NME7: variants seen among roughly 807,000 people sequenced by gnomAD.
The protein encoded by NME7 is NME/NM23 family member 7.
NME7 carries 41 observed loss-of-function variants against 49.1 expected under a neutral mutation model. That is an observed-to-expected ratio of 0.83 (90% CI 0.65 to 1.08). The LOEUF (loss-of-function observed/expected upper bound fraction) is 1.08, where lower values mean the gene tolerates loss of function less well. NME7 is among the 50% of genes least tolerant of loss of function. The probability of loss-of-function intolerance (pLI) is 0.00; values close to 1 mark genes in which losing one functional copy is unlikely to be tolerated. For synonymous variants in NME7, 139 were observed against 150.6 expected (o/e 0.92, Z 0.56); for missense variants, 423 against 463.4 (o/e 0.91, Z 0.80).
intron 1 of NME7, among the ~76,000 whole-genome samples, chr1:169,329,396 GAA>G (rs34676722): frequency 0.031 from 3,046 of 98,230 alleles, 87 homozygotes; most frequent in African/African-American, 0.11. Context: ...TGTGTTTCCT[GAA>G]AAAAAAAAAA....
chr1:169,333,559 T>C (rs1388744688), intron 1 of NME7, among the ~76,000 whole-genome samples: 1 of 148,192 alleles, frequency 6.7e-6, no homozygotes, highest in African/African-American at 2.4e-5. Context: ...CACCATGATA[T>C]GCTTATTTCA....
At chr1:169,181,275 T>C (rs1328784288) in intron 10 of NME7, among the ~76,000 whole-genome samples, 1 of 151,776 alleles carries the variant, frequency 6.6e-6, no homozygotes, top group Non-Finnish European at 1.5e-5. Context: ...CCATCCTCAA[T>C]TACATGTTTT....
chr1:169,183,903 G>A (rs12075832), intron 10 of NME7, among the ~76,000 whole-genome samples: 56,427 of 151,952 alleles, frequency 0.37, 11,052 homozygotes, highest in East Asian at 0.73. Context: ...CATTTCTTAG[G>A]TAATGTAAAG....
chr1:169,326,141 C>T (rs1219528917), intron 1 of NME7, among the ~76,000 whole-genome samples: 2 of 152,020 alleles, frequency 1.3e-5, no homozygotes, highest in East Asian at 1.9e-4. Flanking sequence ...GAAAAATCCA[C>T]GAAACCTGGT....
intron 10 of NME7, among the ~76,000 whole-genome samples, chr1:169,185,141 G>C (rs1660032413): frequency 6.6e-6 from 1 of 152,106 alleles, no homozygotes; most frequent in Non-Finnish European, 1.5e-5. Flanking sequence ...AAATGCAATT[G>C]AGAGTCAGCA....
At chr1:169,158,769 C>G (rs534983207) in intron 11 of NME7, among the ~76,000 whole-genome samples, 1 of 152,142 alleles carries the variant, frequency 6.6e-6, no homozygotes, top group South Asian at 2.1e-4. Flanking sequence ...AGCTGGCCTA[C>G]AGTGGACCCC....
chr1:169,195,334 C>T lies in NME7; in HGVS notation c.991-25780G>A, dbSNP rs554679176. Among the ~76,000 whole-genome samples the T allele has an allele frequency of 3.9e-5, 6 of 152,272 alleles. No individual in the cohort carries two copies. The South Asian group carries it at 8.3e-4, about 21-fold the overall frequency. ...TCAAGGGATCCTCCCACCTCAGCTTCCTGAGTCGCTGGGACTACAGGCATG... is the reference window on the plus strand; with the variant it reads ...TCAAGGGATCCTCCCACCTCAGCTTTCTGAGTCGCTGGGACTACAGGCATG... On this transcript the variant is annotated intron_variant, in intron 10 of 11. Transcript: ENST00000367811.
At chr1:169,143,304 T>C (rs934366005) in intron 11 of NME7, among the ~76,000 whole-genome samples, 2 of 150,174 alleles carry the variant, frequency 1.3e-5, no homozygotes, top group African/African-American at 4.9e-5. Flanking sequence ...ATTTTATATT[T>C]CTTCTTTCCT....
intron 3 of NME7, among the ~76,000 whole-genome samples, chr1:169,321,061 T>A (rs1327569983): frequency 6.6e-6 from 1 of 152,200 alleles, no homozygotes; most frequent in Non-Finnish European, 1.5e-5. Context: ...TAAATTATAA[T>A]TTTTATGGTT....
At chr1:169,180,391 T>C (rs941591791) in intron 10 of NME7, among the ~76,000 whole-genome samples, 19 of 152,186 alleles carry the variant, frequency 1.2e-4, no homozygotes, top group African/African-American at 3.9e-4. Flanking sequence ...GCAGACAGTT[T>C]TTGCCTTTTA....
intron 10 of NME7, among the ~76,000 whole-genome samples, chr1:169,200,734 C>T (rs928098652): frequency 1.3e-5 from 2 of 152,170 alleles, no homozygotes; most frequent in Non-Finnish European, 2.9e-5. Context: ...CTCACCCATT[C>T]CTTCCCAAGG....
intron 3 of NME7, among the ~76,000 whole-genome samples, chr1:169,314,497 G>A (rs1235722917): frequency 6.6e-6 from 1 of 151,894 alleles, no homozygotes; most frequent in African/African-American, 2.4e-5. Context: ...TCAAAAATAA[G>A]ATAATAAAAC....
chr1:169,331,432 T>A (rs528430037), intron 1 of NME7, among the ~76,000 whole-genome samples: 2 of 152,292 alleles, frequency 1.3e-5, no homozygotes, highest in African/African-American at 4.8e-5. Context: ...GTGCCCATTA[T>A]CACTACTGTT....
chr1:169,315,091 C>A (rs1043072801), intron 3 of NME7, among the ~76,000 whole-genome samples: 37 of 151,988 alleles, frequency 2.4e-4, no homozygotes, highest in Middle Eastern at 3.4e-3. Flanking sequence ...ATGATAATTA[C>A]ATTAGAAAAT....
chr1:169,337,603 C>G (rs1270759708), intron 1 of NME7, among the ~76,000 whole-genome samples: 1 of 152,180 alleles, frequency 6.6e-6, no homozygotes, highest in Non-Finnish European at 1.5e-5. Context: ...CCAAGAGCGA[C>G]TGAGGACTGT....
chr1:169,347,198 T>C (rs1199755936), intron 1 of NME7, among the ~76,000 whole-genome samples: 1 of 152,068 alleles, frequency 6.6e-6, no homozygotes, highest in Admixed American at 6.5e-5. Flanking sequence ...AGACGCCATC[T>C]CTAAAAATGT....
chr1:169,247,435 G>A (rs1462261804), intron 7 of NME7, among the ~76,000 whole-genome samples: 1 of 152,178 alleles, frequency 6.6e-6, no homozygotes, highest in Non-Finnish European at 1.5e-5. Flanking sequence ...AGATTTTCAT[G>A]AATGTTATTA....
At chr1:169,318,553 T>C (rs1651740664) in intron 3 of NME7, among the ~76,000 whole-genome samples, 1 of 152,230 alleles carries the variant, frequency 6.6e-6, no homozygotes, top group African/African-American at 2.4e-5. Flanking sequence ...TGTTAGTGCA[T>C]ACAGAAGTAG....
At chr1:169,302,611 G>A (rs1650992897) in intron 5 of NME7, among the ~76,000 whole-genome samples, 1 of 152,038 alleles carries the variant, frequency 6.6e-6, no homozygotes, top group African/African-American at 2.4e-5. Flanking sequence ...GGGACTACTA[G>A]AGTGGGAGAA....
Sources: allele counts gnomAD v4.1 joint callset (sites outside exome capture counted in the v4.1 genomes callset), GRCh38; gene constraint gnomAD v4.1.1; transcripts MANE v1.5; gene names NCBI Gene and HGNC (gene_info 2026-07-23, HGNC 2026-07-21).